ROBO2: variants seen among roughly 807,000 people sequenced by gnomAD.
The protein encoded by ROBO2 is roundabout guidance receptor 2.
A neutral mutation model predicts 160.8 loss-of-function variants in ROBO2; 53 were observed. That is an observed-to-expected ratio of 0.33 (90% confidence interval 0.26 to 0.41). The LOEUF is 0.41. Ranked by LOEUF, ROBO2 falls within the 10% of genes least tolerant of loss-of-function variation. The probability of loss-of-function intolerance (pLI) is 1.00; values close to 1 mark genes in which losing one functional copy is unlikely to be tolerated. For synonymous variants in ROBO2, 664 were observed against 611.7 expected (o/e 1.09, Z -1.26); for missense variants, 1,577 against 1,722.4 (o/e 0.92, Z 1.49).
intron 2 of ROBO2, among the ~76,000 whole-genome samples, chr3:76,481,263 T>A (rs985241261): frequency 6.6e-6 from 1 of 152,162 alleles, no homozygotes; most frequent in Non-Finnish European, 1.5e-5. Flanking sequence ...ATAAATGATA[T>A]CATCTGTATT....
intron 2 of ROBO2, among the ~76,000 whole-genome samples, chr3:76,034,720 A>G (rs1290760786): frequency 6.6e-6 from 1 of 152,086 alleles, no homozygotes; most frequent in Non-Finnish European, 1.5e-5. Context: ...TCTTGCTTTA[A>G]GCTCTTCAAT....
chr3:75,984,663 A>G (rs1188018032), intron 2 of ROBO2, among the ~76,000 whole-genome samples: 3 of 151,490 alleles, frequency 2.0e-5, no homozygotes, highest in African/African-American at 7.2e-5. Flanking sequence ...GCATACATCT[A>G]TAAGTACATG....
At chr3:76,667,073 A>G (rs994252407) in intron 2 of ROBO2, among the ~76,000 whole-genome samples, 5 of 152,160 alleles carry the variant, frequency 3.3e-5, no homozygotes, top group African/African-American at 1.2e-4. Flanking sequence ...TTATGGTGGC[A>G]ACATACTTGT....
At chr3:76,861,061 C>T (rs1305563431) in intron 2 of ROBO2, among the ~76,000 whole-genome samples, 1 of 152,154 alleles carries the variant, frequency 6.6e-6, no homozygotes, top group Non-Finnish European at 1.5e-5. Flanking sequence ...TCCATCAAGC[C>T]CTCTTCCCTC....
chr3:76,604,637 A>C (rs1560221521), intron 2 of ROBO2, among the ~76,000 whole-genome samples: 1 of 152,188 alleles, frequency 6.6e-6, no homozygotes, highest in Non-Finnish European at 1.5e-5. Flanking sequence ...TTTAATAATT[A>C]GATCTGGACC....
chr3:76,692,170 T>C (rs931988036), intron 2 of ROBO2, among the ~76,000 whole-genome samples: 1 of 152,078 alleles, frequency 6.6e-6, no homozygotes, highest in African/African-American at 2.4e-5. Context: ...AGCTGACCAC[T>C]CCCACTGAAT....
At chr3:76,320,056 C>A (rs1361273285) in intron 2 of ROBO2, among the ~76,000 whole-genome samples, 2 of 151,874 alleles carry the variant, frequency 1.3e-5, no homozygotes, top group Non-Finnish European at 2.9e-5. Flanking sequence ...AAATATAGTC[C>A]AATTTGCTAT....
Position 77,517,435 on chromosome 3 carries a change from C to T in ROBO2, c.807-5340C>T, listed in dbSNP as rs531068039. On this transcript the variant is annotated intron_variant, in intron 5 of 25. Coordinates refer to ENST00000461745, the Ensembl canonical transcript of ROBO2. ...GAGGCAAGGACCAGATTATCTAAAACTTTAAACACCGTAAATAAATAGGTT... is the reference window on the plus strand; with the variant it reads ...GAGGCAAGGACCAGATTATCTAAAATTTTAAACACCGTAAATAAATAGGTT... Among the ~76,000 whole-genome samples, 12 of 151,654 alleles carry T rather than the reference C, an allele frequency of 7.9e-5. No homozygotes were observed. The East Asian group carries it at 2.3e-3, about 30-fold the overall frequency.
At chr3:77,393,602 T>G (rs1179801061) in intron 2 of ROBO2, among the ~76,000 whole-genome samples, 1 of 148,932 alleles carries the variant, frequency 6.7e-6, no homozygotes, top group African/African-American at 2.4e-5. Flanking sequence ...ATATAATATA[T>G]TTATACTGAA....
intron 2 of ROBO2, among the ~76,000 whole-genome samples, chr3:76,987,313 C>T (rs1319629977): frequency 6.6e-6 from 1 of 152,180 alleles, no homozygotes; most frequent in African/African-American, 2.4e-5. Flanking sequence ...GACCTATTTG[C>T]ACTGTTCATT....
At chr3:77,079,633 A>C (rs753931072) in intron 1 of ROBO2, among the ~76,000 whole-genome samples, 7 of 152,210 alleles carry the variant, frequency 4.6e-5, no homozygotes, top group Non-Finnish European at 1.0e-4. Context: ...TTGCCTTCAT[A>C]TGTTCTTAGT....
intron 2 of ROBO2, among the ~76,000 whole-genome samples, chr3:76,588,306 A>G (rs2086184763): frequency 6.6e-6 from 1 of 152,178 alleles, no homozygotes. Context: ...GCCAGGATGA[A>G]GAGAAGAATC....
chr3:77,241,445 C>T (rs1302552765), intron 2 of ROBO2, among the ~76,000 whole-genome samples: 1 of 152,074 alleles, frequency 6.6e-6, no homozygotes, highest in African/African-American at 2.4e-5. Flanking sequence ...TAGTAAGTAG[C>T]CAAATTTTAT....
rs150211951 is a variant in ROBO2, at chr3:77,324,056, G to T, written c.389-153358G>T. Among the ~76,000 whole-genome samples, 625 of 152,262 alleles carry T rather than the reference G, an allele frequency of 4.1e-3. 5 individuals carry two copies. The highest frequency in any genetic ancestry group is 0.014 in the African/African-American group (599 of 41,542). On this transcript the variant is annotated intron_variant, in intron 2 of 25. Transcript: ENST00000461745. ...CTTAACACTGGTATATGAAGAGGGT[G>T]AGAGGGTCTCCCAATTTGCTGCTTG...
intron 2 of ROBO2, among the ~76,000 whole-genome samples, chr3:77,025,980 A>G (rs1331068541): frequency 2.0e-5 from 3 of 152,184 alleles, no homozygotes; most frequent in African/African-American, 7.2e-5. Flanking sequence ...ATTCATTACG[A>G]TTGCCACCAC....
At chr3:77,090,029 T>C (rs560283432) in intron 1 of ROBO2, among the ~76,000 whole-genome samples, 16 of 152,246 alleles carry the variant, frequency 1.1e-4, no homozygotes, top group African/African-American at 3.6e-4. Context: ...TATTTTTGAC[T>C]AACGATAAAT....
intron 2 of ROBO2, among the ~76,000 whole-genome samples, chr3:76,053,299 G>A (rs2067716771): frequency 1.3e-5 from 2 of 151,968 alleles, no homozygotes; most frequent in South Asian, 2.1e-4. Flanking sequence ...GAGACATAGA[G>A]CTTTGAGAAG....
At chr3:76,813,775 T>G (rs915028107) in intron 2 of ROBO2, among the ~76,000 whole-genome samples, 2 of 152,102 alleles carry the variant, frequency 1.3e-5, no homozygotes, top group Non-Finnish European at 2.9e-5. Flanking sequence ...TTTTCTGCAT[T>G]AGAGATAATT....
At chr3:76,403,649 A>G (rs548786456) in intron 2 of ROBO2, among the ~76,000 whole-genome samples, 11 of 151,698 alleles carry the variant, frequency 7.3e-5, no homozygotes, top group Admixed American at 3.3e-4. Context: ...TTTGAAGACA[A>G]TGATCATCAT....
Sources: gnomAD v4.1 joint callset for allele counts (sites outside exome capture counted in the v4.1 genomes callset) on GRCh38, gnomAD v4.1.1 for gene constraint, MANE v1.5 for transcripts, NCBI Gene and HGNC (gene_info 2026-07-23, HGNC 2026-07-21) for gene names.